TDRD7: variants seen among roughly 807,000 people sequenced by gnomAD.
TDRD7 encodes the protein tudor domain containing 7, also known as tudor domain-containing protein 7.
TDRD7 carries 47 observed loss-of-function variants against 109.8 expected under a neutral mutation model. The ratio of observed to expected loss-of-function variants is 0.43; its 90% CI spans 0.34 to 0.55. The LOEUF (loss-of-function observed/expected upper bound fraction) is 0.55. Ranked by LOEUF, TDRD7 falls within the 20% of genes least tolerant of loss-of-function variation. The pLI, the probability that TDRD7 is intolerant of heterozygous loss-of-function variation, is 0.03. For missense variants in TDRD7, 1,164 were observed against 1,319.2 expected (o/e 0.88, Z 1.82); for synonymous variants, 424 against 457.3 (o/e 0.93, Z 0.93).
chr9:97,448,514 G>A (rs559318768), intron 6 of TDRD7, among the ~76,000 whole-genome samples: 5 of 152,222 alleles, frequency 3.3e-5, no homozygotes, highest in African/African-American at 4.8e-5. Context: ...CTGGCTAATC[G>A]TAGGGTGCAA....
chr9:97,478,912 T>G (rs1232512006), intron 13 of TDRD7, among the ~76,000 whole-genome samples: 1 of 152,172 alleles, frequency 6.6e-6, no homozygotes, highest in Non-Finnish European at 1.5e-5. Context: ...TTTTTAGAGT[T>G]TTTAGTTTAT....
intron 8 of TDRD7, among the ~76,000 whole-genome samples, chr9:97,469,518 A>G (rs1828876836): frequency 6.6e-6 from 1 of 152,156 alleles, no homozygotes; most frequent in South Asian, 2.1e-4. Flanking sequence ...TCTAGGTACT[A>G]AGAAGCTGGC....
chr9:97,480,803 C>G, intron 13 of TDRD7, 25 bp from the exon 14 acceptor site: 1 of 1,586,260 alleles, frequency 6.3e-7, no homozygotes, highest in Non-Finnish European at 8.7e-7. Context: ...GGTGTGTTCA[C>G]TTTTCCATCA....
chr9:97,438,868 T>C (rs112697893), intron 4 of TDRD7, among the ~76,000 whole-genome samples: 23 of 152,352 alleles, frequency 1.5e-4, no homozygotes, highest in African/African-American at 5.5e-4. Flanking sequence ...CAACATCTGG[T>C]GATGCAAGTC....
chr9:97,432,840 T>G (rs1406028320), intron 4 of TDRD7, among the ~76,000 whole-genome samples: 1 of 152,222 alleles, frequency 6.6e-6, no homozygotes, highest in African/African-American at 2.4e-5. Flanking sequence ...GCTCAGAGGG[T>G]GGCAAACTAC....
chr9:97,488,560 G>GTTTTTTTTTTTTTTT (rs61689126), intron 16 of TDRD7, among the ~76,000 whole-genome samples: 2 of 140,596 alleles, frequency 1.4e-5, no homozygotes, highest in African/African-American at 5.2e-5. Flanking sequence ...AGATTTAATG[G>GTTTTTTTTTTTTTTT]TTTTTTTTTT....
chr9:97,428,202 T>C (rs1828034149), intron 1 of TDRD7, among the ~76,000 whole-genome samples: 1 of 152,172 alleles, frequency 6.6e-6, no homozygotes, highest in Non-Finnish European at 1.5e-5. Context: ...CAGGACTCCA[T>C]TCAGGCTTCC....
chr9:97,467,548 A>G (rs1233997807), intron 8 of TDRD7, among the ~76,000 whole-genome samples: 1 of 152,246 alleles, frequency 6.6e-6, no homozygotes, highest in African/African-American at 2.4e-5. Flanking sequence ...AACAAAACAT[A>G]CAAGTCCTTC....
intron 3 of TDRD7, among the ~76,000 whole-genome samples, 168 bp downstream of exon 3, chr9:97,431,242 A>G (rs1200192893): frequency 6.6e-6 from 1 of 152,242 alleles, no homozygotes; most frequent in Non-Finnish European, 1.5e-5. Flanking sequence ...TCTTAAGTGA[A>G]TGCGCTGAGC....
chr9:97,458,556 G>A (rs1828659253), intron 6 of TDRD7, among the ~76,000 whole-genome samples: 1 of 152,140 alleles, frequency 6.6e-6, no homozygotes, highest in African/African-American at 2.4e-5. Context: ...CATATAACAT[G>A]CCATTTAGAG....
intron 1 of TDRD7, among the ~76,000 whole-genome samples, chr9:97,425,384 C>T (rs757919585): frequency 3.9e-5 from 6 of 152,144 alleles, no homozygotes; most frequent in Non-Finnish European, 8.8e-5. Flanking sequence ...TATGTTTAGA[C>T]ATACAGTACT....
At chr9:97,440,118 A>G (rs541159100) in intron 5 of TDRD7, among the ~76,000 whole-genome samples, 19 of 152,182 alleles carry the variant, frequency 1.2e-4, no homozygotes, top group Admixed American at 2.6e-4. Context: ...TTTTGTTTAC[A>G]TGAATTACTT....
At chr9:97,475,356 A>G (rs776008302) in intron 11 of TDRD7, 27 bp from the exon 12 acceptor site, 1 of 1,551,872 alleles carries the variant, frequency 6.4e-7, no homozygotes, top group Non-Finnish European at 8.9e-7. Context: ...AAGAGTAATA[A>G]GAGTATCATG....
chr9:97,469,602 G>C (rs1292675865), intron 8 of TDRD7, among the ~76,000 whole-genome samples: 2 of 152,158 alleles, frequency 1.3e-5, no homozygotes, highest in Admixed American at 1.3e-4. Flanking sequence ...CCAAGACTTT[G>C]CCCTGGTGTT....
At chr9:97,494,712 A>T (rs5899308) in intron 16 of TDRD7, among the ~76,000 whole-genome samples, 13,751 of 73,208 alleles carry the variant, frequency 0.19, 770 homozygotes, top group Non-Finnish European at 0.23. Flanking sequence ...ATATATATAT[A>T]TTTTTTTTTT....
chr9:97,460,730 G>A lies in TDRD7; in HGVS notation c.1408G>A (p.Val470Ile). 1 of 1,614,148 alleles carries A rather than the reference G, an allele frequency of 6.2e-7. No homozygotes were observed. Among genetic ancestry groups the A allele is most frequent in the Non-Finnish European group, 8.5e-7 (1 of 1,180,004 alleles). ...PTEASPSVLV[V>I]ELSNTNEVVI... ...TGAAGCATCACCATCTGTATTGGTGGTTGAACTGAGCAACACAAATGAAGT... is the reference window on the plus strand; with the variant it reads ...TGAAGCATCACCATCTGTATTGGTGATTGAACTGAGCAACACAAATGAAGT... Residue 470 changes from valine to isoleucine, a missense_variant, in exon 7 of 17, where the codon GTT (valine) becomes ATT (isoleucine). This residue lies in a region of TDRD7 where 261 missense variants were observed against 336.2 expected (regional missense o/e 0.78). Coordinates refer to ENST00000355295, the MANE Select transcript of TDRD7 (RefSeq NM_014290.3).
intron 16 of TDRD7, among the ~76,000 whole-genome samples, chr9:97,492,171 C>T (rs963859073): frequency 2.0e-5 from 3 of 152,146 alleles, no homozygotes; most frequent in African/African-American, 2.4e-5. Flanking sequence ...TGTTGATTTT[C>T]TGTTTGTTCA....
At chr9:97,483,915 A>G (rs1481411352) in intron 15 of TDRD7, among the ~76,000 whole-genome samples, 1 of 152,200 alleles carries the variant, frequency 6.6e-6, no homozygotes, top group Non-Finnish European at 1.5e-5. Context: ...TATTTTAATC[A>G]TGATATACAG....
chr9:97,435,188 G>T (rs1416276580), intron 4 of TDRD7, among the ~76,000 whole-genome samples: 1 of 152,032 alleles, frequency 6.6e-6, no homozygotes, highest in Non-Finnish European at 1.5e-5. Flanking sequence ...AATAAGCTCT[G>T]AATTGTACTA....
Sources: allele counts gnomAD v4.1 joint callset (sites outside exome capture counted in the v4.1 genomes callset), GRCh38; gene constraint gnomAD v4.1.1; regional missense constraint gnomAD v4.1.1; transcripts MANE v1.5; gene names NCBI Gene and HGNC (gene_info 2026-07-23, HGNC 2026-07-21).